METTL15: variants seen among roughly 807,000 people sequenced by gnomAD.
METTL15 encodes the protein methyltransferase 15, mitochondrial 12S rRNA N4-cytidine, also known as 12S rRNA N(4)-cytidine methyltransferase METTL15.
Under a neutral mutation model 38.3 loss-of-function variants are expected in METTL15, and 34 were observed. That is an observed-to-expected ratio of 0.89 (90% confidence interval 0.68 to 1.18). The LOEUF is 1.18. Among genes scored for constraint, METTL15 ranks in the 50% most tolerant of loss-of-function variants. The pLI, the probability that METTL15 is intolerant of heterozygous loss-of-function variation, is 0.00. For synonymous variants in METTL15, 162 were observed against 170.9 expected (o/e 0.95, Z 0.41); for missense variants, 438 against 498.4 (o/e 0.88, Z 1.15).
rs1015306155 is a variant in METTL15 at position 28,238,687 on chromosome 11, C to T, written c.407+27489C>T. Among the ~76,000 whole-genome samples the T allele has an allele frequency of 2.0e-5, 3 of 152,196 alleles. No homozygotes were observed. The East Asian group carries it at 5.8e-4, about 29-fold the overall frequency. On this transcript the variant is annotated intron_variant, in intron 4 of 6. Coordinates refer to ENST00000407364, the MANE Select transcript of METTL15 (RefSeq NM_001113528.2). ...CTCAGATGGAAATGCAGAAATCACC[C>T]GTCTCCTGCGTCGCTCACGCTGGGA...
intron 5 of METTL15, among the ~76,000 whole-genome samples, chr11:28,388,387 C>CA (rs1187520368): frequency 3.3e-5 from 5 of 151,700 alleles, no homozygotes; most frequent in South Asian, 2.1e-4. Flanking sequence ...AGAATCAACA[C>CA]AAAAAAATCA....
At chr11:28,327,966 C>G in intron 6 of METTL15, 1 of 883,228 alleles carries the variant, frequency 1.1e-6, no homozygotes, top group South Asian at 1.9e-5. Context: ...TGCAAAATAT[C>G]AAAGATAATG....
At chr11:28,346,822 T>C (rs1264194155) in intron 3 of METTL15, among the ~76,000 whole-genome samples, 5 of 152,182 alleles carry the variant, frequency 3.3e-5, no homozygotes, top group African/African-American at 1.2e-4. Flanking sequence ...ATACATCAAG[T>C]AACTCCAGGG....
downstream of METTL15, among the ~76,000 whole-genome samples, chr11:28,531,610 A>G (rs1851843639): frequency 1.3e-5 from 2 of 152,072 alleles, no homozygotes; most frequent in Non-Finnish European, 2.9e-5. Context: ...ACCTCACCGT[A>G]AAGTTGAGTA....
chr11:28,143,487 C>T (rs1333577235), intron 3 of METTL15, among the ~76,000 whole-genome samples: 1 of 152,118 alleles, frequency 6.6e-6, no homozygotes, highest in Admixed American at 6.6e-5. Flanking sequence ...GAAGAAGCTA[C>T]CCCTCTACTC....
At chr11:28,382,955 A>G (rs1041588462) in intron 5 of METTL15, among the ~76,000 whole-genome samples, 5 of 37,458 alleles carry the variant, frequency 1.3e-4, no homozygotes, top group African/African-American at 3.0e-4. Flanking sequence ...GATGGTGACA[A>G]TCTTTTTTTT....
At chr11:28,170,789 G>A (rs1850828986) in intron 3 of METTL15, among the ~76,000 whole-genome samples, 1 of 152,060 alleles carries the variant, frequency 6.6e-6, no homozygotes, top group Non-Finnish European at 1.5e-5. Context: ...TCGCTATCTT[G>A]GTTTTGGTCG....
At chr11:28,240,646 A>T (rs1247605838) in intron 4 of METTL15, among the ~76,000 whole-genome samples, 3 of 152,150 alleles carry the variant, frequency 2.0e-5, no homozygotes, top group Non-Finnish European at 1.5e-5. Context: ...GTTCCTTTAA[A>T]ATATGCCTAA....
At chr11:28,421,557 A>T (rs1163048206) in intron 5 of METTL15, among the ~76,000 whole-genome samples, 1 of 152,110 alleles carries the variant, frequency 6.6e-6, no homozygotes. Context: ...CATTCAACAT[A>T]TGCAAATGTA....
chr11:28,347,823 C>CT (rs1448201733), intron 3 of METTL15, among the ~76,000 whole-genome samples: 1 of 152,188 alleles, frequency 6.6e-6, no homozygotes, highest in African/African-American at 2.4e-5. Context: ...AAGACCATAT[C>CT]TAAGTTATCT....
intron 6 of METTL15, among the ~76,000 whole-genome samples, chr11:28,471,756 GA>G (rs202239700): frequency 3.4e-5 from 5 of 145,058 alleles, no homozygotes; most frequent in South Asian, 2.2e-4. Context: ...GTTGTTTTTA[GA>G]AAAAAAAAAG....
At chr11:28,261,971 A>G (rs991194155) in intron 4 of METTL15, among the ~76,000 whole-genome samples, 2 of 152,188 alleles carry the variant, frequency 1.3e-5, no homozygotes, top group African/African-American at 4.8e-5. Context: ...TAGCTTATTC[A>G]GATCACAGAG....
chr11:28,337,669 C>G (rs1279690243), downstream of METTL15, among the ~76,000 whole-genome samples: 1 of 152,008 alleles, frequency 6.6e-6, no homozygotes, highest in Non-Finnish European at 1.5e-5. Flanking sequence ...GTAAGTGCAC[C>G]TTTTTTTATC....
intron 5 of METTL15, among the ~76,000 whole-genome samples, chr11:28,398,006 G>T (rs1007917672): frequency 6.6e-6 from 1 of 151,654 alleles, no homozygotes; most frequent in Non-Finnish European, 1.5e-5. Flanking sequence ...CCAAAACACC[G>T]CATGTTCTCA....
intron 3 of METTL15, among the ~76,000 whole-genome samples, chr11:28,185,352 C>A (rs2133792032): frequency 6.6e-6 from 1 of 151,350 alleles, no homozygotes; most frequent in South Asian, 2.1e-4. Context: ...AAATCCCAGC[C>A]CTGCTTCCTT....
At chr11:28,240,059 C>T (rs984967223) in intron 4 of METTL15, among the ~76,000 whole-genome samples, 4 of 152,074 alleles carry the variant, frequency 2.6e-5, no homozygotes, top group Admixed American at 1.3e-4. Context: ...AGGGATCAAT[C>T]AAGCAACAAA....
intron 3 of METTL15, among the ~76,000 whole-genome samples, chr11:28,146,647 A>G (rs975314156): frequency 1.3e-5 from 2 of 151,896 alleles, no homozygotes. Flanking sequence ...ATTCAATACA[A>G]TATCTTTTCT....
chr11:28,186,770 T>G (rs1851510524), intron 3 of METTL15, among the ~76,000 whole-genome samples: 1 of 151,210 alleles, frequency 6.6e-6, no homozygotes, highest in South Asian at 2.1e-4. Flanking sequence ...TATAACATTT[T>G]TTTTTAAAAA....
chr11:28,392,844 C>A (rs10835322), intron 5 of METTL15, among the ~76,000 whole-genome samples: 64,255 of 151,736 alleles, frequency 0.42, 14,994 homozygotes, highest in Admixed American at 0.54. Flanking sequence ...TGGGGAAAGT[C>A]CTTGAATAGA....
Sources: allele counts gnomAD v4.1 joint callset (sites outside exome capture counted in the v4.1 genomes callset), GRCh38; gene constraint gnomAD v4.1.1; transcripts MANE v1.5; gene names NCBI Gene and HGNC (gene_info 2026-07-23, HGNC 2026-07-21).